Variants in OPCML observed in about 807,000 individuals in gnomAD.
The protein encoded by OPCML is opioid-binding protein/cell adhesion molecule.
Under a neutral mutation model 37.8 loss-of-function variants are expected in OPCML, and 13 were observed. The observed-to-expected ratio is 0.34, with a 90% CI of 0.22 to 0.55. The LOEUF is 0.55. OPCML is among the 20% of genes least tolerant of loss of function. OPCML has a pLI of 0.91. For missense variants in OPCML, 341 were observed against 435.6 expected, an observed-to-expected ratio of 0.78 and a Z score of 1.93; for synonymous variants, 176 against 168.8, an observed-to-expected ratio of 1.04 and a Z score of -0.33.
rs146612314 is a variant in OPCML at position 133,200,780 on chromosome 11, G to A, written c.62-257770C>T. On this transcript the variant is annotated intron_variant, in intron 1 of 7. Transcript: ENST00000524381. The stretch of plus-strand genomic sequence containing the variant: ...TTCAACCCAGTAATCCCTTTGTTGG[G>A]TACATAGCCAAAGGAATATAAATTG... Among the ~76,000 whole-genome samples, 791 of 152,152 alleles carry A rather than the reference G, an allele frequency of 5.2e-3. 9 individuals are homozygous for A. The highest frequency in any genetic ancestry group is 0.018 in the African/African-American group (753 of 41,500).
At chr11:133,290,787 T>C (rs962694594) in intron 1 of OPCML, among the ~76,000 whole-genome samples, 2 of 152,234 alleles carry the variant, frequency 1.3e-5, no homozygotes, top group Middle Eastern at 3.2e-3. Context: ...CCATTTCCAC[T>C]GAGTGGGTGA....
intron 1 of OPCML, among the ~76,000 whole-genome samples, chr11:133,310,793 C>T (rs1943051141): frequency 6.6e-6 from 1 of 152,204 alleles, no homozygotes; most frequent in Admixed American, 6.5e-5. Context: ...TCACTCTCAC[C>T]TACAAGTCCT....
intron 2 of OPCML, among the ~76,000 whole-genome samples, chr11:132,690,062 T>C (rs1170386697): frequency 6.6e-6 from 1 of 152,200 alleles, no homozygotes; most frequent in Non-Finnish European, 1.5e-5. Flanking sequence ...GCTAAGAACA[T>C]GAATCAAAAT....
chr11:133,289,850 TCTC>T lies in OPCML; in HGVS notation c.61+242411_61+242413del, dbSNP rs142262795. 6.4e-3 allele frequency among the ~76,000 whole-genome samples: 980 copies of T among 152,156 alleles called. 12 individuals carry two copies. Among genetic ancestry groups the T allele is most frequent in the African/African-American group, 0.022 (932 of 41,510 alleles). ...CCACGGACACCCACAGATAACCCTCTCTCCTCATCATATAACTGAAGGGTGCTG... is the reference window on the plus strand; with the variant it reads ...CCACGGACACCCACAGATAACCCTCTCTCATCATATAACTGAAGGGTGCTG... On this transcript the variant is annotated intron_variant, in intron 1 of 7. Coordinates refer to ENST00000524381, the MANE Select transcript of OPCML (RefSeq NM_001012393.5).
At chr11:132,726,781 C>T (rs954807191) in intron 2 of OPCML, among the ~76,000 whole-genome samples, 1 of 152,026 alleles carries the variant, frequency 6.6e-6, no homozygotes, top group Non-Finnish European at 1.5e-5. Context: ...ACTGCAAGGC[C>T]ATTTGGGCCT....
Position 133,043,609 on chromosome 11 carries a change from G to A in OPCML, c.62-100599C>T, listed in dbSNP as rs185119929. Among the ~76,000 whole-genome samples the A allele has an allele frequency of 3.5e-3, 538 of 152,262 alleles. 2 individuals are homozygous for A. Among genetic ancestry groups the A allele is most frequent in the African/African-American group, 0.012 (495 of 41,546 alleles). ...TGGTGTGTACGGGATTAGACAACAC[G>A]CATCCTGACAAACAGAATCAGCCCT... On this transcript the variant is annotated intron_variant, in intron 1 of 7. Transcript: ENST00000524381.
At chr11:133,525,944 G>A (rs748911295) in intron 1 of OPCML, among the ~76,000 whole-genome samples, 18 of 152,178 alleles carry the variant, frequency 1.2e-4, no homozygotes, top group African/African-American at 1.7e-4. Flanking sequence ...ACGAGAATGC[G>A]CCTGCATCAT....
intron 4 of OPCML, among the ~76,000 whole-genome samples, chr11:132,446,510 T>G (rs2096055659): frequency 6.6e-6 from 1 of 152,022 alleles, no homozygotes; most frequent in East Asian, 1.9e-4. Flanking sequence ...AAAAATAAAC[T>G]GAAACTAACA....
At chr11:132,722,090 G>T (rs1944693866) in intron 2 of OPCML, among the ~76,000 whole-genome samples, 1 of 151,028 alleles carries the variant, frequency 6.6e-6, no homozygotes, top group South Asian at 2.1e-4. Context: ...CGAGTAGCTG[G>T]GACTACAGAC....
intron 1 of OPCML, chr11:133,067,662 G>T (rs1252190739): frequency 6.6e-6 from 1 of 152,182 alleles, no homozygotes; most frequent in Non-Finnish European, 1.5e-5. Context: ...GATGCCCAAA[G>T]TCCACCTGGG....
At chr11:132,854,874 C>T (rs1298863927) in intron 2 of OPCML, among the ~76,000 whole-genome samples, 1 of 152,196 alleles carries the variant, frequency 6.6e-6, no homozygotes, top group Non-Finnish European at 1.5e-5. Flanking sequence ...GCATAACAGA[C>T]TCCATCTTTC....
chr11:132,504,774 C>G (rs551598078), intron 4 of OPCML, among the ~76,000 whole-genome samples: 101 of 152,078 alleles, frequency 6.6e-4, no homozygotes, highest in African/African-American at 2.4e-3. Context: ...TGGGGAGCCA[C>G]GAGCTATTGT....
At chr11:133,017,960 A>AT (rs1177361444) in intron 1 of OPCML, among the ~76,000 whole-genome samples, 6 of 152,154 alleles carry the variant, frequency 3.9e-5, no homozygotes, top group Admixed American at 1.3e-4. Flanking sequence ...CCTCCTGAGC[A>AT]TTTTTTTCTG....
chr11:132,470,676 C>T (rs994571787), intron 4 of OPCML, among the ~76,000 whole-genome samples: 3 of 152,158 alleles, frequency 2.0e-5, no homozygotes, highest in African/African-American at 7.2e-5. Context: ...TCATAGATAT[C>T]ATTAGCATCC....
intron 4 of OPCML, among the ~76,000 whole-genome samples, chr11:132,485,129 C>A (rs900192234): frequency 6.6e-6 from 1 of 151,826 alleles, no homozygotes; most frequent in East Asian, 1.9e-4. Flanking sequence ...TATCACTGTT[C>A]GGGAGAGCTG....
At chr11:132,672,713 C>T (rs1271992667) in intron 2 of OPCML, among the ~76,000 whole-genome samples, 1 of 152,104 alleles carries the variant, frequency 6.6e-6, no homozygotes, top group Non-Finnish European at 1.5e-5. Flanking sequence ...CTTCCACGAC[C>T]CTCTATTATC....
rs74690231 is a variant in OPCML, at chr11:132,876,547, A to G, written c.146+66379T>C. Among the ~76,000 whole-genome samples the G allele has an allele frequency of 1.2e-3, 187 of 152,302 alleles. 1 individual carries two copies. Among genetic ancestry groups the G allele is most frequent in the African/African-American group, 4.4e-3 (183 of 41,576 alleles). On this transcript the variant is annotated intron_variant, in intron 2 of 7. Coordinates refer to ENST00000524381, the MANE Select transcript of OPCML (RefSeq NM_001012393.5). ...ACCTCGAGTCCCATTAATCATCCTC[A>G]TGCTTACAGTACTTCTTAATGGCTT...
intron 7 of OPCML, among the ~76,000 whole-genome samples, chr11:132,427,667 C>T (rs536218103): frequency 1.3e-5 from 2 of 152,324 alleles, no homozygotes; most frequent in East Asian, 3.9e-4. Flanking sequence ...TCCGTCAGCT[C>T]ATCACAAACC....
intron 4 of OPCML, among the ~76,000 whole-genome samples, chr11:132,480,759 C>T (rs1200735467): frequency 2.0e-5 from 3 of 151,900 alleles, no homozygotes; most frequent in Non-Finnish European, 4.4e-5. Flanking sequence ...ATTTCATATC[C>T]AGCCAAACTA....
Sources: allele counts gnomAD v4.1 joint callset (sites outside exome capture counted in the v4.1 genomes callset), GRCh38; gene constraint gnomAD v4.1.1; transcripts MANE v1.5; gene names NCBI Gene and HGNC (gene_info 2026-07-23, HGNC 2026-07-21).